The following EMX2 variants were observed in gnomAD, a reference collection of about 807,000 sequenced individuals.
EMX2 encodes the protein homeobox protein EMX2.
Under a neutral mutation model 23.0 loss-of-function variants are expected in EMX2, and 6 were observed. The ratio of observed to expected loss-of-function variants is 0.26; its 90% confidence interval spans 0.14 to 0.52. The LOEUF is 0.52. Ranked by LOEUF, EMX2 falls within the 20% of genes least tolerant of loss-of-function variation. The pLI, the probability that EMX2 is intolerant of heterozygous loss-of-function variation, is 0.97. For missense variants in EMX2, 302 were observed against 341.4 expected (o/e 0.88, Z 0.91); for synonymous variants, 175 against 153.3 (o/e 1.14, Z -1.04).
chr10:117,543,796 G>T, intron 1 of EMX2, 123 bp downstream of exon 1: 1 of 1,489,432 alleles, frequency 6.7e-7, no homozygotes, highest in Non-Finnish European at 9.2e-7. Context: ...GCGGGCCAGC[G>T]CGCCCTGTTG....
At chr10:117,547,809 C>T (rs1564752359) in intron 2 of EMX2, among the ~76,000 whole-genome samples, 1 of 152,240 alleles carries the variant, frequency 6.6e-6, no homozygotes, top group Non-Finnish European at 1.5e-5. Context: ...CAGTGCACTC[C>T]GGGCCACAGG....
Position 117,543,364 on chromosome 10 carries a change from C to A in EMX2, c.97C>A (p.Pro33Thr). 1.9e-6 allele frequency: 3 copies of A among 1,567,824 alleles called. No individual in the cohort carries two copies. The highest frequency in any genetic ancestry group is 2.6e-6 in the Non-Finnish European group (3 of 1,157,202). The change falls in exon 1 of 3, where the codon CCC becomes ACC. Residue 33 changes from proline (P) to threonine (T), a missense_variant. Coordinates refer to ENST00000553456, the MANE Select transcript of EMX2 (RefSeq NM_004098.4). ...CTCGCGCTCCGAGGACCCCATCCGT[C>A]CCGCGGCACTCAGCTACGCTAACTC... ...PASRSEDPIR[P>T]AALSYANSSP...
intron 2 of EMX2, among the ~76,000 whole-genome samples, chr10:117,546,881 T>A (rs2133970473): frequency 6.6e-6 from 1 of 152,378 alleles, no homozygotes; most frequent in East Asian, 1.9e-4. Context: ...TTTGGGCGAC[T>A]GTGGCTTTCC....
Position 117,543,088 on chromosome 10 carries a change from C to T in EMX2, c.-180C>T. 4.4e-6 allele frequency: 2 copies of T among 455,476 alleles called. No individual in the cohort carries two copies. Among genetic ancestry groups the T allele is most frequent in the Non-Finnish European group, 7.1e-6 (2 of 281,500 alleles). 28.2% of individuals were successfully genotyped at this position (455,476 alleles called of 1,614,324 possible). A position where few individuals can be genotyped will look rare whatever the true frequency, so the allele number is the denominator to read the frequency against. On this transcript the variant is annotated 5_prime_UTR_variant, in exon 1 of 3. Transcript: ENST00000553456. ...TTGCCTCTCCCTCTCCCTCCCCCCT[C>T]CTTTCCTTTTTCCTTTCCTTTCCTT...
Position 117,543,685 on chromosome 10 carries a change from G to C in EMX2, c.406+12G>C. On this transcript the variant is annotated intron_variant, in intron 1 of 2. Transcript: ENST00000553456. ...TCATCGCTTCCAAGGTACGTGCCAC[G>C]TCGCGGAACTGCAGCGCGCCGCTCC... 1.9e-6 allele frequency: 3 copies of C among 1,613,226 alleles called. No homozygotes were observed. The highest frequency in any genetic ancestry group is 1.7e-6 in the Non-Finnish European group (2 of 1,179,704).
At chr10:117,546,489 G>A (rs895594780) in intron 2 of EMX2, among the ~76,000 whole-genome samples, 1 of 151,064 alleles carries the variant, frequency 6.6e-6, no homozygotes, top group Non-Finnish European at 1.5e-5. Context: ...CGCAGGGCGG[G>A]GTCAAAGTTC....
At position 117,545,924 on chromosome 10, in the gene EMX2, A is replaced by G. The variant is rs1434216737; in HGVS notation, c.591+108A>G. On this transcript the variant is annotated intron_variant, in intron 2 of 2. Coordinates refer to ENST00000553456, the MANE Select transcript of EMX2 (RefSeq NM_004098.4). ...GGAGCTCTGTGAGGGCCTTCCGCAC[A>G]GGTCCTGGTAGCTGGTTCCACGCCT... 4 of 1,463,820 alleles carry G rather than the reference A, an allele frequency of 2.7e-6. No homozygotes were observed. The Admixed American group carries it at 5.6e-5, about 21-fold the overall frequency. 90.7% of individuals were successfully genotyped at this position (1,463,820 alleles called of 1,614,324 possible).
Position 117,545,669 on chromosome 10 carries a change from C to T in EMX2, c.444C>T (p.Asn148=). The stretch of plus-strand genomic sequence containing the variant: ...GCCCCGAGAGTTTCCTTTTGCACAA[C>T]GCGCTGGCCCGAAAGCCCAAGCGGA... ...DTSPESFLLH[N]ALARKPKRIR... The change falls in exon 2 of 3, where the codon AAC becomes AAT. Residue 148 remains asparagine (N), a synonymous_variant. Coordinates refer to ENST00000553456, the MANE Select transcript of EMX2 (RefSeq NM_004098.4). 12 of 1,614,152 alleles carry T rather than the reference C, an allele frequency of 7.4e-6. No homozygotes were observed. The highest frequency in any genetic ancestry group is 1.1e-5 in the South Asian group (1 of 91,090).
rs1288960004 is a variant in EMX2 at position 117,542,774 on chromosome 10, CA to C, written c.-493del. 6.5e-6 allele frequency: 1 copy of C among 152,784 alleles called. No individual in the cohort carries two copies. Among genetic ancestry groups the C allele is most frequent in the Non-Finnish European group, 1.4e-5 (1 of 69,008 alleles). The allele number at this position is 152,784 out of a possible 1,614,324, so 9.5% of individuals were successfully genotyped here. On this transcript the variant is annotated 5_prime_UTR_variant, in exon 1 of 3. An upstream start codon of the reference 5' UTR is lost. Transcript: ENST00000553456. ...CAACTTGTGAAGAAGCGAACACTTC[CA>C]TGGATTGTCCTTGGACTTAGGGCGC...
chr10:117,545,599 C>G, intron 1 of EMX2, 33 bp from the exon 2 acceptor site: 1 of 1,612,980 alleles, frequency 6.2e-7, no homozygotes, highest in Non-Finnish European at 8.5e-7. Flanking sequence ...AGAGCAGCCC[C>G]CCCTAATGGG....
In EMX2 at chr10:117,548,538, AAGAGAGAGAAAG is replaced by A. The variant is rs1175594873; in HGVS notation, c.*316_*327del. The A allele has an allele frequency of 7.6e-5, 32 of 423,736 alleles. No individual in the cohort carries two copies. The highest frequency in any genetic ancestry group is 1.1e-4 in the Non-Finnish European group (29 of 256,634). The allele number at this position is 423,736 out of a possible 1,614,324, so 26.2% of individuals were successfully genotyped here. On this transcript the variant is annotated 3_prime_UTR_variant, in exon 3 of 3. Coordinates refer to ENST00000553456, the MANE Select transcript of EMX2 (RefSeq NM_004098.4). ...GGAGAAAGAGGGAGGGAGAGAGAGA[AAGAGAGAGAAAG>A]AGAGAGAGAGAGAGAGAGAGAGAAA...
intron 2 of EMX2, 39 bp from the exon 3 acceptor site, chr10:117,548,026 T>C (rs1355366084): frequency 6.3e-7 from 1 of 1,583,970 alleles, no homozygotes; most frequent in Non-Finnish European, 8.6e-7. Flanking sequence ...AAGGGTGCTC[T>C]GAAAGAACTA....
chr10:117,545,480 A>T, intron 1 of EMX2, 152 bp from the exon 2 acceptor site: 2 of 922,152 alleles, frequency 2.2e-6, no homozygotes, highest in Non-Finnish European at 1.6e-6. Flanking sequence ...TCCCTTCGTG[A>T]GCCCTTGGGA....
Position 117,543,152 on chromosome 10 carries a change from C to CCCCCA in EMX2, c.-115_-114insCCCAC. ...CCTTCCCCCCACCCCCACCCCCACC[C>CCCCCA]CAAACAAACGAGTCCCCAATTCTCG... On this transcript the variant is annotated 5_prime_UTR_variant, in exon 1 of 3. Coordinates refer to ENST00000553456, the MANE Select transcript of EMX2 (RefSeq NM_004098.4). The CCCCCA allele has an allele frequency of 9.3e-6, 3 of 324,294 alleles. No individual in the cohort carries two copies. Among genetic ancestry groups the CCCCCA allele is most frequent in the Non-Finnish European group, 4.4e-6 (1 of 227,306 alleles). The allele number at this position is 324,294 out of a possible 1,614,324, so 20.1% of individuals were successfully genotyped here.
chr10:117,543,220 G>T lies in EMX2; in HGVS notation c.-48G>T. On this transcript the variant is annotated 5_prime_UTR_variant, in exon 1 of 3. Coordinates refer to ENST00000553456, the MANE Select transcript of EMX2 (RefSeq NM_004098.4). ...CAGCGGGCGGCGGAGGCAGCGTGCG[G>T]CGGTCGCCAGGAGCTGGGAGCCCAG... The T allele has an allele frequency of 7.2e-7, 1 of 1,395,872 alleles. No homozygotes were observed. The allele number at this position is 1,395,872 out of a possible 1,614,324, so 86.5% of individuals were successfully genotyped here. A position where few individuals can be genotyped will look rare whatever the true frequency, so the allele number is the denominator to read the frequency against.
In EMX2 at chr10:117,543,665, G is replaced by A. The variant is rs1316096191; in HGVS notation, c.398G>A (p.Arg133His). Residue 133 changes from arginine (R) to histidine (H), a missense_variant, in exon 1 of 3, where the codon CGC becomes CAC. Arg to His is a conservative substitution (Grantham distance 29, BLOSUM62 0). Around this residue, in one of 4 missense-constraint regions of EMX2, gnomAD observed 221 missense variants for 206.8 expected, o/e 1.07. Transcript: ENST00000553456. ...LIHRYRYLGHRFQGNDTSPES... is the reference protein window; with the variant it reads ...LIHRYRYLGHHFQGNDTSPES... ...CACCGCTACCGATATCTGGGTCATC[G>A]CTTCCAAGGTACGTGCCACGTCGCG... is the stretch of plus-strand genomic sequence containing the variant. The A allele has an allele frequency of 2.5e-6, 4 of 1,613,460 alleles. No homozygotes were observed. Among genetic ancestry groups the A allele is most frequent in the South Asian group, 2.2e-5 (2 of 91,078 alleles).
chr10:117,547,042 C>T (rs140221557), intron 2 of EMX2, among the ~76,000 whole-genome samples: 1 of 152,202 alleles, frequency 6.6e-6, no homozygotes. Flanking sequence ...TCACTGCCAT[C>T]TCCCTTACCT....
chr10:117,547,186 G>T (rs892562816), intron 2 of EMX2, among the ~76,000 whole-genome samples: 6 of 152,188 alleles, frequency 3.9e-5, no homozygotes, highest in Non-Finnish European at 8.8e-5. Flanking sequence ...TCTCACAGCC[G>T]CTCTGGTGAG....
chr10:117,546,598 C>G (rs1329206925), intron 2 of EMX2, among the ~76,000 whole-genome samples: 1 of 152,238 alleles, frequency 6.6e-6, no homozygotes, highest in East Asian at 1.9e-4. Context: ...ATGTTCCCCA[C>G]CCCAAAACCG....
Sources: gnomAD v4.1 joint callset for allele counts (sites outside exome capture counted in the v4.1 genomes callset) on GRCh38, gnomAD v4.1.1 for gene constraint, gnomAD v4.1.1 regional missense constraint, MANE v1.5 for transcripts, NCBI Gene and HGNC (gene_info 2026-07-23, HGNC 2026-07-21) for gene names.